NLRC5: variants seen among roughly 807,000 people sequenced by gnomAD.
The protein encoded by NLRC5 is protein NLRC5.
NLRC5 carries 114 observed loss-of-function variants against 206.9 expected under a neutral mutation model. That is an observed-to-expected ratio of 0.55 (90% CI 0.47 to 0.64). The LOEUF (loss-of-function observed/expected upper bound fraction) is 0.64, where lower values mean the gene tolerates loss of function less well. NLRC5 is among the 30% of genes least tolerant of loss of function. The pLI, the probability that NLRC5 is intolerant of heterozygous loss-of-function variation, is 0.00. For synonymous variants in NLRC5, 952 were observed against 962.8 expected (o/e 0.99, Z 0.21); for missense variants, 2,008 against 2,305.5 (o/e 0.87, Z 2.64).
intron 1 of NLRC5, among the ~76,000 whole-genome samples, chr16:56,991,619 T>A (rs867553234): frequency 6.6e-6 from 1 of 151,520 alleles, no homozygotes; most frequent in African/African-American, 2.4e-5. Flanking sequence ...CAACCTCAGA[T>A]GATCCACCCG....
At chr16:56,993,152 CAT>C (rs2057162558) in intron 1 of NLRC5, among the ~76,000 whole-genome samples, 2 of 90,276 alleles carry the variant, frequency 2.2e-5, no homozygotes, top group East Asian at 4.1e-4. Context: ...CACACACACA[CAT>C]ATACACATAT....
At chr16:57,058,899 G>C (rs2066042643) in intron 28 of NLRC5, 73 bp from the exon 29 acceptor site, 1 of 1,247,776 alleles carries the variant, frequency 8.0e-7, no homozygotes, top group Admixed American at 1.7e-5. Context: ...CTGGAAGGGA[G>C]ATGGAGGGGG....
chr16:57,057,472 A>C (rs2065827164), intron 27 of NLRC5, among the ~76,000 whole-genome samples: 1 of 152,260 alleles, frequency 6.6e-6, no homozygotes, highest in South Asian at 2.1e-4. Flanking sequence ...GAAGGGAAGT[A>C]AGAAACTTCA....
rs77467915 is a variant in NLRC5, at chr16:57,037,377, C to T, written c.2801+93C>T. The T allele has an allele frequency of 4.2e-3, 4,918 of 1,181,002 alleles. 223 individuals carry two copies. In the East Asian group the frequency reaches 0.1, roughly 25 times the overall value. The allele number at this position is 1,181,002 out of a possible 1,614,324, so 73.2% of individuals were successfully genotyped here. A position where few individuals can be genotyped will look rare whatever the true frequency, so the allele number is the denominator to read the frequency against. ...TTCCTTCTGGGCCCAGGCCTTGGGA[C>T]GGGCAGAAGATGCTGCTGCTGTCCC... On this transcript the variant is annotated intron_variant, in intron 15 of 48. Coordinates refer to ENST00000688547, the MANE Select transcript of NLRC5 (RefSeq NM_001384950.1).
intron 11 of NLRC5, among the ~76,000 whole-genome samples, chr16:57,032,377 G>C (rs1432362513): frequency 1.1e-4 from 17 of 151,982 alleles, no homozygotes. Context: ...GTGACAGAGA[G>C]GGACTCTGTC....
chr16:56,993,070 T>G (rs914530550), intron 1 of NLRC5, among the ~76,000 whole-genome samples: 13 of 151,972 alleles, frequency 8.6e-5, no homozygotes, highest in Non-Finnish European at 1.5e-4. Flanking sequence ...ACAGTCTAAG[T>G]GTGTTTTTAC....
intron 4 of NLRC5, among the ~76,000 whole-genome samples, chr16:57,023,132 G>C (rs573665079): frequency 6.6e-6 from 1 of 152,184 alleles, no homozygotes; most frequent in African/African-American, 2.4e-5. Flanking sequence ...TGGTCACTTA[G>C]CTTAGCTGTA....
intron 2 of NLRC5, among the ~76,000 whole-genome samples, chr16:57,019,606 C>T (rs1483691437): frequency 6.6e-6 from 1 of 152,202 alleles, no homozygotes; most frequent in African/African-American, 2.4e-5. Context: ...CTTCCACCTT[C>T]CTCAGTATGG....
chr16:57,047,203 C>A (rs2064105415), intron 22 of NLRC5, among the ~76,000 whole-genome samples: 1 of 152,058 alleles, frequency 6.6e-6, no homozygotes. Flanking sequence ...ACTTGTGGGG[C>A]AGAGAGGGAT....
chr16:57,081,231 C>T, intron 47 of NLRC5, 50 bp downstream of exon 47: 5 of 1,503,156 alleles, frequency 3.3e-6, no homozygotes, highest in Non-Finnish European at 4.5e-6. Flanking sequence ...GGACCTACAT[C>T]CCGGGAACAC....
intron 1 of NLRC5, among the ~76,000 whole-genome samples, chr16:57,016,344 G>T (rs1195890460): frequency 6.6e-6 from 1 of 152,138 alleles, no homozygotes; most frequent in African/African-American, 2.4e-5. Context: ...CATTATGTCA[G>T]AATGTGCCCT....
At chr16:57,076,758 C>T (rs1239003377) in intron 39 of NLRC5, 61 bp from the exon 40 acceptor site, 1 of 1,477,760 alleles carries the variant, frequency 6.8e-7, no homozygotes, top group Non-Finnish European at 9.5e-7. Context: ...GTTCTTAGCA[C>T]AGCACCTGCA....
In NLRC5 at chr16:57,081,125, G is replaced by A. The variant is rs1433373187; in HGVS notation, c.5349G>A (p.Glu1783=). ...TGTCCTGGAATCTCCTCGGGGATGA[G>A]GCAGCTGCCGAGCTGGCCCAGGTGC... ...ILLSWNLLGD[E]AAAELAQVLP... is the part of the protein sequence containing the mutation. The change falls in exon 47 of 49, where the codon GAG becomes GAA. Residue 1783 remains glutamate (E), a synonymous_variant. Coordinates refer to ENST00000688547, the MANE Select transcript of NLRC5 (RefSeq NM_001384950.1). 7 of 1,547,096 alleles carry A rather than the reference G, an allele frequency of 4.5e-6. No homozygotes were observed. The highest frequency in any genetic ancestry group is 6.1e-6 in the Non-Finnish European group (7 of 1,147,920).
chr16:57,014,389 A>G (rs1197137853), intron 1 of NLRC5, among the ~76,000 whole-genome samples: 6 of 152,150 alleles, frequency 3.9e-5, no homozygotes, highest in African/African-American at 1.4e-4. Context: ...ATATTTTATT[A>G]TGTTTGGAAG....
At chr16:57,005,400 T>C (rs1393868922) in intron 1 of NLRC5, among the ~76,000 whole-genome samples, 1 of 151,934 alleles carries the variant, frequency 6.6e-6, no homozygotes, top group East Asian at 1.9e-4. Flanking sequence ...GGCTCACACC[T>C]GTAATCCCAA....
chr16:57,055,606 ATACACT>A, intron 27 of NLRC5, 87 bp downstream of exon 27: 1 of 1,063,014 alleles, frequency 9.4e-7, no homozygotes, highest in Non-Finnish European at 1.4e-6. Flanking sequence ...GTGTGTGCAC[ATACACT>A]CATGTGTGCC....
At chr16:57,063,493 A>G (rs2144731088) in intron 32 of NLRC5, among the ~76,000 whole-genome samples, 1 of 152,246 alleles carries the variant, frequency 6.6e-6, no homozygotes, top group South Asian at 2.1e-4. Context: ...CCATCAATTG[A>G]CACTTGGGTT....
At chr16:57,010,662 T>C (rs959974173) in intron 1 of NLRC5, among the ~76,000 whole-genome samples, 1 of 152,216 alleles carries the variant, frequency 6.6e-6, no homozygotes, top group Non-Finnish European at 1.5e-5. Flanking sequence ...CGTGAGCCAC[T>C]GCACCTGGCT....
intron 30 of NLRC5, 25 bp from the exon 31 acceptor site, chr16:57,061,423 C>A: frequency 6.2e-7 from 1 of 1,605,144 alleles, no homozygotes; most frequent in Non-Finnish European, 8.5e-7. Flanking sequence ...CTCACCCAGG[C>A]TCTGCCCTGG....
Sources: allele counts gnomAD v4.1 joint callset (sites outside exome capture counted in the v4.1 genomes callset), GRCh38; gene constraint gnomAD v4.1.1; transcripts MANE v1.5; gene names NCBI Gene and HGNC (gene_info 2026-07-23, HGNC 2026-07-21).